TIRAP: variants seen among roughly 807,000 people sequenced by gnomAD.
TIRAP encodes the protein toll/interleukin-1 receptor domain-containing adapter protein.
Under a neutral mutation model 19.8 loss-of-function variants are expected in TIRAP, and 20 were observed. The ratio of observed to expected loss-of-function variants is 1.01; its 90% CI spans 0.71 to 1.47. TIRAP has a LOEUF of 1.47. Among genes scored for constraint, TIRAP ranks in the 40% most tolerant of loss-of-function variants. The pLI is 0.00. For missense variants in TIRAP, 276 were observed against 285.1 expected, an observed-to-expected ratio of 0.97 and a Z score of 0.23; for synonymous variants, 125 against 121.7, an observed-to-expected ratio of 1.03 and a Z score of -0.18.
chr11:126,294,401 G>A lies in TIRAP; in HGVS notation c.*714G>A, dbSNP rs1591375329. 2.4e-6 allele frequency: 1 copy of A among 408,892 alleles called. No homozygotes were observed. Among genetic ancestry groups the A allele is most frequent in the East Asian group, 7.1e-5 (1 of 14,014 alleles). The allele number at this position is 408,892 out of a possible 1,614,324, so 25.3% of individuals were successfully genotyped here. On this transcript the variant is annotated 3_prime_UTR_variant, in exon 5 of 5. Coordinates refer to ENST00000392679, the MANE Select transcript of TIRAP (RefSeq NM_001318777.2). The stretch of plus-strand genomic sequence containing the variant: ...TAGAGGCCATTCTGAATATGGGGGT[G>A]GGGTGGTGGAGGGAGCAAGTGAAGA...
chr11:126,291,530 C>A lies in TIRAP; in HGVS notation c.67+569C>A. 1.4e-6 allele frequency: 1 copy of A among 719,756 alleles called. No homozygotes were observed. The highest frequency in any genetic ancestry group is 2.1e-6 in the Non-Finnish European group (1 of 467,278). The allele number at this position is 719,756 out of a possible 1,614,324, so 44.6% of individuals were successfully genotyped here. A position where few individuals can be genotyped will look rare whatever the true frequency, so the allele number is the denominator to read the frequency against. On this transcript the variant is annotated intron_variant, in intron 3 of 4. Coordinates refer to ENST00000392679, the MANE Select transcript of TIRAP (RefSeq NM_001318777.2). This position sits in a 1 kb window ranked among gnomAD's most constrained non-coding sequence, Gnocchi z 5.6. The stretch of plus-strand genomic sequence containing the variant: ...TAACTTTCAGCAACTAAGACAGGTC[C>A]ACAAGTCCACAGTCAAAGCCGTGTC...
rs1209838400 is a variant in TIRAP at position 126,290,759 on chromosome 11, G to A, written c.-92-44G>A. 6.8e-7 allele frequency: 1 copy of A among 1,460,880 alleles called. No individual in the cohort carries two copies. The highest frequency in any genetic ancestry group is 9.0e-7 in the Non-Finnish European group (1 of 1,110,372). The allele number at this position is 1,460,880 out of a possible 1,614,324, so 90.5% of individuals were successfully genotyped here. ...AGCTCATCCATGGGGAATGAGAGCA[G>A]GGTAAGTGCAGCCTTTGTGATTCTC... On this transcript the variant is annotated intron_variant, in intron 2 of 4. Transcript: ENST00000392679. This position sits in a 1 kb window ranked among gnomAD's most constrained non-coding sequence, Gnocchi z 4.9.
chr11:126,293,247 C>T (rs1159520713), intron 4 of TIRAP, 192 bp downstream of exon 4: 3 of 1,032,736 alleles, frequency 2.9e-6, no homozygotes, highest in Non-Finnish European at 4.4e-6. Context: ...CTCACCCGCT[C>T]TGTGCCTTGG....
chr11:126,290,784 C>T lies in TIRAP; in HGVS notation c.-92-19C>T. The T allele has an allele frequency of 4.0e-6, 6 of 1,488,664 alleles. No homozygotes were observed. Among genetic ancestry groups the T allele is most frequent in the Non-Finnish European group, 4.4e-6 (5 of 1,124,228 alleles). The allele number at this position is 1,488,664 out of a possible 1,614,324, so 92.2% of individuals were successfully genotyped here. A position where few individuals can be genotyped will look rare whatever the true frequency, so the allele number is the denominator to read the frequency against. On this transcript the variant is annotated intron_variant, in intron 2 of 4. Coordinates refer to ENST00000392679, the MANE Select transcript of TIRAP (RefSeq NM_001318777.2). This position sits in a 1 kb window ranked among gnomAD's most constrained non-coding sequence, Gnocchi z 4.9. Reference sequence around the variant, plus strand: ...GGGTAAGTGCAGCCTTTGTGATTCTCTCTCTCTACCCTCTGTAGGATGGCT... The same window carrying T: ...GGGTAAGTGCAGCCTTTGTGATTCTTTCTCTCTACCCTCTGTAGGATGGCT...
chr11:126,291,966 C>T lies in TIRAP; in HGVS notation c.68-511C>T, dbSNP rs1178076448. On this transcript the variant is annotated intron_variant, in intron 3 of 4. Coordinates refer to ENST00000392679, the MANE Select transcript of TIRAP (RefSeq NM_001318777.2). This position sits in a 1 kb window ranked among gnomAD's most constrained non-coding sequence, Gnocchi z 5.6. ...TCCAGAGTTCTGACACGTCCAAAAC[C>T]TTTACCTTTAGAGGGCACTTTTAGG... Among the ~76,000 whole-genome samples the T allele has an allele frequency of 1.3e-5, 2 of 151,962 alleles. No homozygotes were observed.
Position 126,291,135 on chromosome 11 carries a change from A to AGGGT in TIRAP, c.67+176_67+177insGTGG. ...ATGCTTTGTGGAGAGTGAGGAGGGGAGGCCTGCGTCAGCTCAGCCAGATCT... is the reference window on the plus strand; with the variant it reads ...ATGCTTTGTGGAGAGTGAGGAGGGGAGGGTGGCCTGCGTCAGCTCAGCCAGATCT... On this transcript the variant is annotated intron_variant, in intron 3 of 4. Transcript: ENST00000392679. The surrounding 1 kb of genome is among the most constrained non-coding windows in gnomAD (Gnocchi z 5.6). 2 of 794,882 alleles carry AGGGT rather than the reference A, an allele frequency of 2.5e-6. No individual in the cohort carries two copies. The highest frequency in any genetic ancestry group is 1.7e-5 in the African/African-American group (1 of 57,426). The allele number at this position is 794,882 out of a possible 1,614,324, so 49.2% of individuals were successfully genotyped here. A position where few individuals can be genotyped will look rare whatever the true frequency, so the allele number is the denominator to read the frequency against.
chr11:126,286,054 G>GAAAAAA, intron 1 of TIRAP, among the ~76,000 whole-genome samples: 1 of 48,362 alleles, frequency 2.1e-5, no homozygotes. Flanking sequence ...ACCCTCTCTG[G>GAAAAAA]AAAAAAAAAA....
At position 126,287,795 on chromosome 11, in the gene TIRAP, C is replaced by T. The variant is rs1951338416; in HGVS notation, c.-216-2667C>T. Among the ~76,000 whole-genome samples, 1 of 152,072 alleles carries T rather than the reference C, an allele frequency of 6.6e-6. No homozygotes were observed. The highest frequency in any genetic ancestry group is 2.4e-5 in the African/African-American group (1 of 41,398). On this transcript the variant is annotated intron_variant, in intron 1 of 4. Coordinates refer to ENST00000392679, the MANE Select transcript of TIRAP (RefSeq NM_001318777.2). This position sits in a 1 kb window ranked among gnomAD's most constrained non-coding sequence, Gnocchi z 4.2. ...TTGAGATCGAGTCTCGCTCTGTCAC[C>T]CAGGCTGGAGCACAGTGGTGCAATC...
At chr11:126,293,097 A>G (rs1383788401) in intron 4 of TIRAP, 42 bp downstream of exon 4, 2 of 1,613,114 alleles carry the variant, frequency 1.2e-6, no homozygotes, top group Non-Finnish European at 1.7e-6. Flanking sequence ...GGATTCAGCT[A>G]CAGTATCTGA....
Position 126,287,411 on chromosome 11 carries a change from C to G in TIRAP, c.-216-3051C>G, listed in dbSNP as rs1951334362. Among the ~76,000 whole-genome samples, 1 of 151,950 alleles carries G rather than the reference C, an allele frequency of 6.6e-6. No homozygotes were observed. The highest frequency in any genetic ancestry group is 6.5e-5 in the Admixed American group (1 of 15,270). On this transcript the variant is annotated intron_variant, in intron 1 of 4. Coordinates refer to ENST00000392679, the MANE Select transcript of TIRAP (RefSeq NM_001318777.2). This position sits in a 1 kb window ranked among gnomAD's most constrained non-coding sequence, Gnocchi z 4.2. ...TCTCGGCTCACTGCAACCTCCACCT[C>G]CCGGGTTCAAGTGATTCTCCTGCCT... is the stretch of plus-strand genomic sequence containing the variant.
chr11:126,294,620 G>C lies in TIRAP; in HGVS notation c.*933G>C. On this transcript the variant is annotated 3_prime_UTR_variant, in exon 5 of 5. Transcript: ENST00000392679. The stretch of plus-strand genomic sequence containing the variant: ...CTGTATTCCTTATAGGACAGGCAAG[G>C]TTTCATTCATCTGTTCTCAGTAAGT... 2.2e-6 allele frequency: 1 copy of C among 452,386 alleles called. No homozygotes were observed. Among genetic ancestry groups the C allele is most frequent in the Non-Finnish European group, 4.4e-6 (1 of 225,566 alleles). The allele number at this position is 452,386 out of a possible 1,614,324, so 28.0% of individuals were successfully genotyped here.
rs377193452 is a variant in TIRAP, at chr11:126,292,869, G to T, written c.460G>T (p.Asp154Tyr). The T allele has an allele frequency of 8.1e-6, 13 of 1,613,262 alleles. No individual in the cohort carries two copies. Among genetic ancestry groups the T allele is most frequent in the African/African-American group, 1.3e-5 (1 of 74,916 alleles). Residue 154 changes from aspartate to tyrosine, a missense_variant, in exon 4 of 5, where the codon GAC becomes TAC. Physicochemically the swap from Asp to Tyr is radical, Grantham distance 160. Coordinates refer to ENST00000392679, the MANE Select transcript of TIRAP (RefSeq NM_001318777.2). ...GCTCATCACGCCGGGCTTCCTTCAG[G>T]ACCCCTGGTGCAAGTACCAGATGCT... ...VLLITPGFLQDPWCKYQMLQA... is the reference protein window; with the variant it reads ...VLLITPGFLQYPWCKYQMLQA...
Position 126,293,850 on chromosome 11 carries a change from G to A in TIRAP, c.*163G>A. On this transcript the variant is annotated 3_prime_UTR_variant, in exon 5 of 5. Transcript: ENST00000392679. ...GAGCACCCATCAGGCTTCCATTACT[G>A]TGGGCTCCCTAAGAAGACCATGGAG... 1 of 770,248 alleles carries A rather than the reference G, an allele frequency of 1.3e-6. No homozygotes were observed. The highest frequency in any genetic ancestry group is 1.5e-5 in the South Asian group (1 of 67,862). The allele number at this position is 770,248 out of a possible 1,614,324, so 47.7% of individuals were successfully genotyped here.
At chr11:126,285,243 G>GTGTGTGTGTGTA in intron 1 of TIRAP, among the ~76,000 whole-genome samples, 4 of 106,974 alleles carry the variant, frequency 3.7e-5, no homozygotes, top group African/African-American at 1.4e-4. Context: ...GTGTGTGTGT[G>GTGTGTGTGTGTA]TATATATATA....
At chr11:126,293,186 T>C in intron 4 of TIRAP, 131 bp downstream of exon 4, 1 of 1,522,036 alleles carries the variant, frequency 6.6e-7, no homozygotes, top group Non-Finnish European at 8.9e-7. Context: ...TCGGGGTTTG[T>C]ATCCTGGCTC....
intron 4 of TIRAP, 66 bp from the exon 5 acceptor site, chr11:126,293,602 G>C: frequency 6.3e-7 from 1 of 1,589,616 alleles, no homozygotes; most frequent in Non-Finnish European, 8.6e-7. Context: ...GAAGAGGCAG[G>C]ACCTGTTGGG....
chr11:126,292,473 A>C lies in TIRAP; in HGVS notation c.68-4A>C. ...CAGGCCTGAGCAGTGTTTCTCCCCC[A>C]CAGACTGGTTCAGGCAGACCCTGCT... On this transcript the variant is annotated splice_polypyrimidine_tract_variant and splice_region_variant and intron_variant, in intron 3 of 4. Transcript: ENST00000392679. The C allele has an allele frequency of 6.2e-7, 1 of 1,613,514 alleles. No individual in the cohort carries two copies. Among genetic ancestry groups the C allele is most frequent in the Non-Finnish European group, 8.5e-7 (1 of 1,179,862 alleles).
chr11:126,288,648 A>AT lies in TIRAP; in HGVS notation c.-216-1813dup, dbSNP rs1486253519. 2.6e-5 allele frequency: 4 copies of AT among 152,236 alleles called. No homozygotes were observed. Among genetic ancestry groups the AT allele is most frequent in the Non-Finnish European group, 4.4e-5 (3 of 68,044 alleles). 9.4% of individuals were successfully genotyped at this position (152,236 alleles called of 1,614,324 possible). A position where few individuals can be genotyped will look rare whatever the true frequency, so the allele number is the denominator to read the frequency against. ...TATACCACCGCACTTCTGGTGGCAT[A>AT]TACTGCTGGACAACTGGATTTCTTC... On this transcript the variant is annotated intron_variant, in intron 1 of 4. Transcript: ENST00000392679. The surrounding 1 kb of genome is among the most constrained non-coding windows in gnomAD (Gnocchi z 5.0).
intron 1 of TIRAP, among the ~76,000 whole-genome samples, chr11:126,283,694 GT>G (rs1386423692): frequency 6.6e-6 from 1 of 152,202 alleles, no homozygotes; most frequent in East Asian, 1.9e-4. Flanking sequence ...CAGTCTTCTG[GT>G]CCCCAGGGGA....
Sources: gnomAD v4.1 joint callset for allele counts (sites outside exome capture counted in the v4.1 genomes callset) on GRCh38, gnomAD v4.1.1 for gene constraint, Gnocchi (gnomAD v3.1) non-coding constraint, MANE v1.5 for transcripts, NCBI Gene and HGNC (gene_info 2026-07-23, HGNC 2026-07-21) for gene names.